RPTOR: variants seen among roughly 807,000 people sequenced by gnomAD.
RPTOR encodes regulatory associated protein of MTOR complex 1.
Under a neutral mutation model 169.9 loss-of-function variants are expected in RPTOR, and 21 were observed. The ratio of observed to expected loss-of-function variants is 0.12; its 90% CI spans 0.09 to 0.18. The LOEUF (loss-of-function observed/expected upper bound fraction) is 0.18. Ranked by LOEUF, RPTOR falls within the 10% of genes least tolerant of loss-of-function variation. The pLI is 1.00. For synonymous variants in RPTOR, 732 were observed against 753.2 expected (o/e 0.97, Z 0.46); for missense variants, 1,133 against 1,855.9 (o/e 0.61, Z 7.16).
At position 80,925,496 on chromosome 17, in the gene RPTOR, G is replaced by A; in HGVS notation, c.2919+16G>A. 6.3e-7 allele frequency: 1 copy of A among 1,594,864 alleles called. No individual in the cohort carries two copies. The highest frequency in any genetic ancestry group is 8.6e-7 in the Non-Finnish European group (1 of 1,163,308). On this transcript the variant is annotated intron_variant, in intron 24 of 33. Transcript: ENST00000306801. Reference sequence around the variant, plus strand: ...CGTCATGAAGGTGCGCCCGGGGTGTGGGGTTCAGAGTAGAGTCCTAGCGAA... The same window carrying A: ...CGTCATGAAGGTGCGCCCGGGGTGTAGGGTTCAGAGTAGAGTCCTAGCGAA...
Position 80,956,769 on chromosome 17 carries a change from C to CG in RPTOR, c.3371-855_3371-854insG, listed in dbSNP as rs147097452. On this transcript the variant is annotated intron_variant, in intron 28 of 33. Coordinates refer to ENST00000306801, the MANE Select transcript of RPTOR (RefSeq NM_020761.3). ...ACCTAACAGACGTTCCGGGAAGGCA[C>CG]TGCTCCGGATGTTGGGCATCTTAGA... Among the ~76,000 whole-genome samples, 1,187 of 152,310 alleles carry CG rather than the reference C, an allele frequency of 7.8e-3. 17 individuals carry two copies. The highest frequency in any genetic ancestry group is 0.023 in the African/African-American group (957 of 41,556).
intron 24 of RPTOR, among the ~76,000 whole-genome samples, chr17:80,934,132 A>G (rs146303231): frequency 1.3e-5 from 2 of 151,830 alleles, no homozygotes; most frequent in African/African-American, 4.8e-5. Context: ...GTTCCTGTCT[A>G]TTAAAGGAAA....
chr17:80,865,496 C>T (rs2067977789), intron 13 of RPTOR, among the ~76,000 whole-genome samples: 1 of 152,062 alleles, frequency 6.6e-6, no homozygotes, highest in Admixed American at 6.6e-5. Flanking sequence ...GGCTGCAGGG[C>T]CTATGTTAAT....
At chr17:80,908,184 C>G (rs2068567985) in intron 20 of RPTOR, among the ~76,000 whole-genome samples, 1 of 152,254 alleles carries the variant, frequency 6.6e-6, no homozygotes, top group African/African-American at 2.4e-5. Flanking sequence ...TGAGTCCCTG[C>G]TGGGTCCTGC....
At chr17:80,783,940 A>G (rs1158860452) in intron 6 of RPTOR, among the ~76,000 whole-genome samples, 2 of 152,204 alleles carry the variant, frequency 1.3e-5, no homozygotes, top group African/African-American at 4.8e-5. Context: ...CAAGTTAGGA[A>G]AGTCGCTTCT....
chr17:80,792,569 A>G (rs890066780), intron 7 of RPTOR, among the ~76,000 whole-genome samples: 1 of 152,188 alleles, frequency 6.6e-6, no homozygotes, highest in Non-Finnish European at 1.5e-5. Context: ...ATGGGTACCT[A>G]ACAGAGCTCA....
At chr17:80,715,159 T>G (rs1428283059) in intron 4 of RPTOR, among the ~76,000 whole-genome samples, 1 of 152,212 alleles carries the variant, frequency 6.6e-6, no homozygotes, top group Non-Finnish European at 1.5e-5. Flanking sequence ...TAAAATGTGT[T>G]TTTTTTGAAA....
chr17:80,893,474 TACGCGCCAGGGTG>T, intron 19 of RPTOR, among the ~76,000 whole-genome samples: 1 of 84,514 alleles, frequency 1.2e-5, no homozygotes, highest in Non-Finnish European at 2.5e-5. Context: ...GTTGTGTCTG[TACGCGCCAGGGTG>T]TGTGCGCCAG....
chr17:80,800,426 C>T (rs2067145511), intron 7 of RPTOR, among the ~76,000 whole-genome samples: 4 of 152,292 alleles, frequency 2.6e-5, no homozygotes, highest in South Asian at 4.1e-4. Flanking sequence ...GGGCAAAACA[C>T]GTTGTTTAGC....
chr17:80,849,860 C>A (rs1349075644), intron 11 of RPTOR, among the ~76,000 whole-genome samples: 1 of 152,204 alleles, frequency 6.6e-6, no homozygotes, highest in Admixed American at 6.5e-5. Context: ...CTCTCGTGGC[C>A]TGTGGGGTGC....
chr17:80,676,674 A>G (rs1361838922), intron 3 of RPTOR, among the ~76,000 whole-genome samples: 1 of 152,202 alleles, frequency 6.6e-6, no homozygotes, highest in Non-Finnish European at 1.5e-5. Context: ...AACTGCAACC[A>G]AAAGTAAAGT....
intron 3 of RPTOR, among the ~76,000 whole-genome samples, chr17:80,645,841 G>A (rs926868297): frequency 6.6e-6 from 1 of 152,216 alleles, no homozygotes; most frequent in Non-Finnish European, 1.5e-5. Flanking sequence ...GCCCATGACA[G>A]TGGCACAGTT....
intron 5 of RPTOR, among the ~76,000 whole-genome samples, chr17:80,752,706 T>C (rs552547726): frequency 6.6e-6 from 1 of 152,256 alleles, no homozygotes; most frequent in African/African-American, 2.4e-5. Context: ...GATCCTGTTT[T>C]GTTGAATGCT....
chr17:80,613,549 C>T (rs2065286408), intron 1 of RPTOR, among the ~76,000 whole-genome samples: 1 of 152,252 alleles, frequency 6.6e-6, no homozygotes, highest in African/African-American at 2.4e-5. Flanking sequence ...ACTAACAGGA[C>T]ACAGGTGCTG....
At chr17:80,694,898 C>A (rs945898706) in intron 3 of RPTOR, among the ~76,000 whole-genome samples, 2 of 152,164 alleles carry the variant, frequency 1.3e-5, no homozygotes, top group African/African-American at 4.8e-5. Context: ...TTAGTGTGTG[C>A]CAGAGACTCA....
At chr17:80,620,665 C>G (rs2065347599) in intron 1 of RPTOR, among the ~76,000 whole-genome samples, 1 of 152,186 alleles carries the variant, frequency 6.6e-6, no homozygotes, top group Admixed American at 6.5e-5. Context: ...ACTTGGGAGG[C>G]TGAGGCAGGA....
At chr17:80,963,103 GA>G (rs1396256333) in intron 33 of RPTOR, 46 bp downstream of exon 33, 4 of 1,285,104 alleles carry the variant, frequency 3.1e-6, no homozygotes, top group Non-Finnish European at 4.4e-6. Context: ...GGCTGGGGTA[GA>G]GGGATGGGAG....
chr17:80,753,848 G>A (rs1433482678), intron 5 of RPTOR, among the ~76,000 whole-genome samples, 162 bp from the exon 6 acceptor site: 3 of 151,994 alleles, frequency 2.0e-5, no homozygotes, highest in African/African-American at 7.3e-5. Context: ...TCTGTCTCTG[G>A]AGACAGTTCA....
intron 2 of RPTOR, among the ~76,000 whole-genome samples, chr17:80,628,405 G>A (rs895719982): frequency 8.5e-5 from 13 of 152,060 alleles, no homozygotes; most frequent in African/African-American, 2.7e-4. Flanking sequence ...TGGTTGAAAG[G>A]TATTTTTTCG....
Sources: gnomAD v4.1 joint callset for allele counts (sites outside exome capture counted in the v4.1 genomes callset) on GRCh38, gnomAD v4.1.1 for gene constraint, MANE v1.5 for transcripts, NCBI Gene and HGNC (gene_info 2026-07-23, HGNC 2026-07-21) for gene names.